The following IP6K3 variants were observed in gnomAD, a reference collection of about 807,000 sequenced individuals.
IP6K3 encodes the protein inositol hexakisphosphate kinase 3.
IP6K3 carries 20 observed loss-of-function variants against 28.8 expected under a neutral mutation model. That is an observed-to-expected ratio of 0.70 (90% confidence interval 0.49 to 1.01). IP6K3 has a LOEUF of 1.01. Ranked by LOEUF, IP6K3 falls within the 50% of genes least tolerant of loss-of-function variation. The pLI is 0.00. For synonymous variants in IP6K3, 213 were observed against 221.3 expected (o/e 0.96, Z 0.33); for missense variants, 480 against 537.1 (o/e 0.89, Z 1.05).
rs9348925 is a variant in IP6K3, at chr6:33,742,919, C to T, written c.-180+3839G>A. Among the ~76,000 whole-genome samples the T allele has an allele frequency of 0.42, 64,247 of 151,634 alleles. 15,851 individuals are homozygous for T. The highest frequency in any genetic ancestry group is 0.86 in the East Asian group (4,415 of 5,120). ...TCAGCCTTGGGGAGCTTGGGGAGGG[C>T]CTGCTTTGGGGAGTGTGTGTACAGG... is the stretch of plus-strand genomic sequence containing the variant. On this transcript the variant is annotated intron_variant, in intron 1 of 5. Transcript: ENST00000293756. This position sits in a 1 kb window ranked among gnomAD's most constrained non-coding sequence, Gnocchi z 4.5.
At chr6:33,723,318 G>A in intron 5 of IP6K3, 131 bp from the exon 6 acceptor site, 1 of 616,464 alleles carries the variant, frequency 1.6e-6, no homozygotes, top group South Asian at 2.1e-5. Context: ...AAGAGTGACT[G>A]AAATGAGCAG....
At chr6:33,730,710 G>A (rs892319669) in intron 2 of IP6K3, among the ~76,000 whole-genome samples, 1 of 152,164 alleles carries the variant, frequency 6.6e-6, no homozygotes, top group African/African-American at 2.4e-5. Flanking sequence ...GACGGTGGGC[G>A]CCTAGGCTCG....
chr6:33,741,065 G>C (rs1766702294), intron 1 of IP6K3, among the ~76,000 whole-genome samples: 1 of 152,176 alleles, frequency 6.6e-6, no homozygotes, highest in Non-Finnish European at 1.5e-5. Flanking sequence ...CATCACGTGG[G>C]TGGGTGCCAT....
rs1275456578 is a variant in IP6K3, at chr6:33,722,895, T to C, written c.1058A>G (p.His353Arg). The C allele has an allele frequency of 3.1e-6, 5 of 1,613,744 alleles. No homozygotes were observed. The South Asian group carries it at 4.4e-5, about 14-fold the overall frequency. ...GGTGAGACCACCGGGAGAGCTACCG[T>C]GGGCTGCCTGGGGAGCCTCGTGAGG... ...PHPHEAPQAA[H>R]GSSPGGLTKV... is the part of the protein sequence containing the mutation. The change falls in exon 6 of 6, where the codon CAC (histidine) becomes CGC (arginine). Residue 353 changes from histidine to arginine, a missense_variant. By Grantham distance (29) the His-to-Arg change is conservative. Coordinates refer to ENST00000293756, the MANE Select transcript of IP6K3 (RefSeq NM_054111.5).
chr6:33,762,049 C>T, the IP6K3 span, among the ~76,000 whole-genome samples: 1 of 152,318 alleles, frequency 6.6e-6, no homozygotes, highest in African/African-American at 2.4e-5. Flanking sequence ...ACGAGTGACC[C>T]TTCTGGGGGC....
intron 2 of IP6K3, among the ~76,000 whole-genome samples, chr6:33,733,497 C>T (rs1210221271): frequency 2.6e-5 from 4 of 152,264 alleles, no homozygotes; most frequent in African/African-American, 7.2e-5. Flanking sequence ...TGCGGCTGCC[C>T]GGCATCCATC....
At chr6:33,729,902 C>T (rs1766257596) in intron 2 of IP6K3, among the ~76,000 whole-genome samples, 4 of 152,066 alleles carry the variant, frequency 2.6e-5, no homozygotes, top group South Asian at 4.2e-4. Context: ...TTAGTAGAGA[C>T]GGGGTTTCAT....
chr6:33,747,803 G>C (rs1766954707), upstream of IP6K3, among the ~76,000 whole-genome samples: 1 of 152,170 alleles, frequency 6.6e-6, no homozygotes, highest in Non-Finnish European at 1.5e-5. The surrounding 1 kb of genome is among the most constrained non-coding windows in gnomAD (Gnocchi z 5.2). Flanking sequence ...ATGCCAGGAA[G>C]AGTCGGCTCA....
At chr6:33,733,765 AC>A (rs1404690585) in intron 2 of IP6K3, among the ~76,000 whole-genome samples, 3 of 152,188 alleles carry the variant, frequency 2.0e-5, no homozygotes, top group Non-Finnish European at 4.4e-5. Context: ...TCCGTGTGTG[AC>A]GCTGATCGGT....
In IP6K3 at chr6:33,722,777, A is replaced by G. The variant is rs765975110; in HGVS notation, c.1176T>C (p.Tyr392=). The G allele has an allele frequency of 8.1e-6, 13 of 1,613,690 alleles. No homozygotes were observed. Among genetic ancestry groups the G allele is most frequent in the Non-Finnish European group, 8.5e-6 (10 of 1,179,922 alleles). The part of the protein sequence containing the change: ...HTTYDGPDPG[Y]IFGLENLIRI... The stretch of plus-strand genomic sequence containing the variant: ...TGATGAGGTTTTCCAGGCCAAAAAT[A>G]TAGCCAGGGTCTGGTCCATCGTAGG... Residue 392 remains tyrosine (Y), a synonymous_variant, in exon 6 of 6, where the codon TAT becomes TAC. Transcript: ENST00000293756.
At chr6:33,755,844 T>C in the IP6K3 span, among the ~76,000 whole-genome samples, 1 of 152,070 alleles carries the variant, frequency 6.6e-6, no homozygotes, top group Non-Finnish European at 1.5e-5. Context: ...GACAGCTAAA[T>C]TTTTTTTATT....
intron 2 of IP6K3, among the ~76,000 whole-genome samples, chr6:33,731,448 T>C (rs541120978): frequency 2.6e-5 from 4 of 152,328 alleles, no homozygotes; most frequent in Non-Finnish European, 4.4e-5. Context: ...TCTGAGTAAA[T>C]GGAGGAGAGC....
intron 2 of IP6K3, among the ~76,000 whole-genome samples, chr6:33,728,555 TCCCTG>T (rs1397570564): frequency 6.6e-6 from 1 of 152,190 alleles, no homozygotes; most frequent in Non-Finnish European, 1.5e-5. Flanking sequence ...TTATCGCACT[TCCCTG>T]CCTCTTTGCG....
chr6:33,730,965 T>C (rs1185551628), intron 2 of IP6K3, among the ~76,000 whole-genome samples: 2 of 152,196 alleles, frequency 1.3e-5, no homozygotes, highest in Non-Finnish European at 2.9e-5. Flanking sequence ...GGGAGGGTCG[T>C]CAGCGCTGAG....
In IP6K3 at chr6:33,726,072, C is replaced by T. The variant is rs1766099378; in HGVS notation, c.590-456G>A. ...CAGTGGAGTAATTATCCTGCAAAAG[C>T]TTCTTAGGGATTAGGATTGCAGATG... is the stretch of plus-strand genomic sequence containing the variant. On this transcript the variant is annotated intron_variant, in intron 4 of 5. Coordinates refer to ENST00000293756, the MANE Select transcript of IP6K3 (RefSeq NM_054111.5). 2.0e-5 allele frequency among the ~76,000 whole-genome samples: 3 copies of T among 152,296 alleles called. No individual in the cohort carries two copies. The South Asian group carries it at 6.2e-4, about 32-fold the overall frequency.
the IP6K3 span, among the ~76,000 whole-genome samples, chr6:33,758,450 C>T: frequency 1.3e-5 from 2 of 152,136 alleles, no homozygotes; most frequent in African/African-American, 2.4e-5. Flanking sequence ...CTCTTGAGCC[C>T]GGGAGGTTGA....
the IP6K3 span, among the ~76,000 whole-genome samples, chr6:33,752,519 C>G: frequency 6.6e-6 from 1 of 152,236 alleles, no homozygotes; most frequent in Non-Finnish European, 1.5e-5. Flanking sequence ...GAAAGAAAAT[C>G]CTGAAACACC....
Position 33,722,472 on chromosome 6 carries a change from GCCACTT to G in IP6K3, c.*242_*247del. On this transcript the variant is annotated 3_prime_UTR_variant, in exon 6 of 6. Transcript: ENST00000293756. The stretch of plus-strand genomic sequence containing the variant: ...CCCCCTCCAGTGTACTCCAGAAGGT[GCCACTT>G]TATCCTGGCTGTCTGTTCTCCGATG... The G allele has an allele frequency of 3.1e-5, 11 of 353,686 alleles. No individual in the cohort carries two copies. Among genetic ancestry groups the G allele is most frequent in the Admixed American group, 1.3e-4 (3 of 22,966 alleles). 21.9% of individuals were successfully genotyped at this position (353,686 alleles called of 1,614,324 possible). A position where few individuals can be genotyped will look rare whatever the true frequency, so the allele number is the denominator to read the frequency against.
chr6:33,743,228 G>A (rs543580811), intron 1 of IP6K3, among the ~76,000 whole-genome samples: 1 of 152,334 alleles, frequency 6.6e-6, no homozygotes, highest in East Asian at 1.9e-4. Flanking sequence ...AGGTGGTGGG[G>A]AGAGGGCTTT....
Sources: gnomAD v4.1 joint callset for allele counts (sites outside exome capture counted in the v4.1 genomes callset) on GRCh38, gnomAD v4.1.1 for gene constraint, Gnocchi (gnomAD v3.1) non-coding constraint, MANE v1.5 for transcripts, NCBI Gene and HGNC (gene_info 2026-07-23, HGNC 2026-07-21) for gene names.